The following BMPER variants were observed in gnomAD, a reference collection of about 807,000 sequenced individuals.
BMPER encodes the protein BMP-binding endothelial regulator protein.
In BMPER, 45 loss-of-function variants were observed where a neutral mutation model predicts 87.3. The ratio of observed to expected loss-of-function variants is 0.52; its 90% CI spans 0.41 to 0.66. The LOEUF (loss-of-function observed/expected upper bound fraction) is 0.66. Ranked by LOEUF, BMPER falls within the 30% of genes least tolerant of loss-of-function variation. The pLI is 0.00. For synonymous variants in BMPER, 326 were observed against 316.2 expected (o/e 1.03, Z -0.33); for missense variants, 784 against 867.5 (o/e 0.90, Z 1.21).
intron 5 of BMPER, among the ~76,000 whole-genome samples, chr7:33,972,027 C>T (rs781267417): frequency 2.2e-4 from 33 of 152,176 alleles, no homozygotes; most frequent in Non-Finnish European, 4.3e-4. Flanking sequence ...CTCAGCCTCC[C>T]GAGTAGCTGG....
Position 33,905,667 on chromosome 7 carries a change from G to T in BMPER, c.54G>T (p.Ser18=). ...GALAERYCRR[S]PGITCCVLLL... ...TGGCTGAGCGTTACTGCCGCCGCTC[G>T]CCTGGGATTACGTGCTGCGTCTTGC... Residue 18 remains serine (S), a synonymous_variant, in exon 1 of 15, where the codon TCG becomes TCT. Transcript: ENST00000649409. 1 of 1,613,434 alleles carries T rather than the reference G, an allele frequency of 6.2e-7. No homozygotes were observed. The highest frequency in any genetic ancestry group is 8.5e-7 in the Non-Finnish European group (1 of 1,179,926).
chr7:34,091,570 T>A (rs1030045159), intron 13 of BMPER, among the ~76,000 whole-genome samples: 4 of 152,234 alleles, frequency 2.6e-5, no homozygotes, highest in African/African-American at 9.6e-5. Flanking sequence ...CTTAAAAGTC[T>A]GTTTTTAATT....
intron 3 of BMPER, among the ~76,000 whole-genome samples, chr7:33,943,747 A>T (rs1373425677): frequency 6.6e-6 from 1 of 152,172 alleles, no homozygotes; most frequent in Non-Finnish European, 1.5e-5. Flanking sequence ...ACCTGTTTGG[A>T]TATCTTTGCC....
intron 3 of BMPER, among the ~76,000 whole-genome samples, chr7:33,942,958 C>T (rs957019827): frequency 4.6e-5 from 7 of 152,138 alleles, no homozygotes; most frequent in African/African-American, 1.7e-4. Flanking sequence ...GAGACCTGAA[C>T]CCCAAGAACT....
intron 11 of BMPER, among the ~76,000 whole-genome samples, 154 bp downstream of exon 11, chr7:34,062,201 A>G (rs572408291): frequency 3.0e-4 from 45 of 152,310 alleles, no homozygotes; most frequent in Non-Finnish European, 4.7e-4. Context: ...CTTTAAGTCA[A>G]TTGTAATTCT....
intron 2 of BMPER, among the ~76,000 whole-genome samples, chr7:33,933,201 C>T (rs776641189): frequency 1.7e-4 from 26 of 152,154 alleles, no homozygotes; most frequent in Admixed American, 2.0e-4. Context: ...CCTATGCCCC[C>T]CTTTTAGTTT....
At chr7:34,127,017 A>G (rs1790420382) in intron 13 of BMPER, among the ~76,000 whole-genome samples, 1 of 152,254 alleles carries the variant, frequency 6.6e-6, no homozygotes, top group South Asian at 2.1e-4. Flanking sequence ...CTTAGTTACT[A>G]TTTCATGGTA....
intron 5 of BMPER, 111 bp from the exon 6 acceptor site, chr7:33,974,591 G>T: frequency 3.8e-6 from 4 of 1,049,464 alleles, no homozygotes; most frequent in Non-Finnish European, 4.5e-6. Context: ...GGTTGAAGAG[G>T]ACACTCAGCT....
intron 3 of BMPER, among the ~76,000 whole-genome samples, chr7:33,940,549 A>G (rs940535929): frequency 6.6e-5 from 10 of 152,174 alleles, no homozygotes; most frequent in Non-Finnish European, 1.3e-4. Flanking sequence ...ACCTCTCTGT[A>G]ACTCTTTTGC....
intron 6 of BMPER, among the ~76,000 whole-genome samples, chr7:34,045,144 G>A (rs1446987088): frequency 6.6e-6 from 1 of 152,132 alleles, no homozygotes; most frequent in Non-Finnish European, 1.5e-5. Context: ...AAATCCCAGA[G>A]AAGCGAATTC....
intron 6 of BMPER, among the ~76,000 whole-genome samples, chr7:33,986,720 T>C (rs1207398627): frequency 2.0e-5 from 3 of 152,116 alleles, no homozygotes; most frequent in Non-Finnish European, 4.4e-5. Flanking sequence ...TTCTGTGTTG[T>C]GGGAGGACGA....
At chr7:34,011,352 G>A (rs1786869341) in intron 6 of BMPER, among the ~76,000 whole-genome samples, 1 of 151,628 alleles carries the variant, frequency 6.6e-6, no homozygotes, top group South Asian at 2.1e-4. Context: ...GCAAGGACGA[G>A]GAATAATGCT....
At chr7:34,120,572 GT>G (rs1479678990) in intron 13 of BMPER, among the ~76,000 whole-genome samples, 2 of 152,038 alleles carry the variant, frequency 1.3e-5, no homozygotes, top group African/African-American at 4.8e-5. Context: ...CTAATTTTGT[GT>G]TTTTCGTAGA....
intron 6 of BMPER, among the ~76,000 whole-genome samples, chr7:34,016,126 G>A (rs1787020643): frequency 6.6e-6 from 1 of 151,842 alleles, no homozygotes; most frequent in African/African-American, 2.4e-5. Flanking sequence ...TTGTGCTGAT[G>A]AAAACTTTTG....
At chr7:33,962,533 G>A (rs760169209) in intron 3 of BMPER, among the ~76,000 whole-genome samples, 4 of 152,126 alleles carry the variant, frequency 2.6e-5, no homozygotes, top group Admixed American at 6.5e-5. Context: ...CCCATTAGAT[G>A]CCTATAGTGC....
chr7:34,135,822 G>A (rs1790703899), intron 13 of BMPER, among the ~76,000 whole-genome samples: 1 of 152,162 alleles, frequency 6.6e-6, no homozygotes, highest in African/African-American at 2.4e-5. Context: ...AGAGCTCCAT[G>A]AGTGCCTTCT....
At chr7:34,146,978 A>T (rs1791044126) in intron 14 of BMPER, among the ~76,000 whole-genome samples, 1 of 152,190 alleles carries the variant, frequency 6.6e-6, no homozygotes, top group East Asian at 1.9e-4. Context: ...GCTGTATGTT[A>T]CATTGTCATC....
intron 13 of BMPER, among the ~76,000 whole-genome samples, chr7:34,094,662 G>A (rs1191277551): frequency 6.6e-6 from 1 of 152,344 alleles, no homozygotes; most frequent in East Asian, 1.9e-4. Context: ...AGCCCTTGCT[G>A]TTAGGCAGGC....
rs572428131 is a variant in BMPER, at chr7:33,926,276, C to A, written c.220-11013C>A. Among the ~76,000 whole-genome samples, 5 of 152,302 alleles carry A rather than the reference C, an allele frequency of 3.3e-5. No homozygotes were observed. The South Asian group carries it at 1.0e-3, about 32-fold the overall frequency. The stretch of plus-strand genomic sequence containing the variant: ...CCTGCAGAAAAACCCAAGTTTATAG[C>A]CCCATGCCACATGTTTCTAATAGCC... On this transcript the variant is annotated intron_variant, in intron 2 of 14. Transcript: ENST00000649409.
Sources: gnomAD v4.1 joint callset for allele counts (sites outside exome capture counted in the v4.1 genomes callset) on GRCh38, gnomAD v4.1.1 for gene constraint, MANE v1.5 for transcripts, NCBI Gene and HGNC (gene_info 2026-07-23, HGNC 2026-07-21) for gene names.